Variants in TOX observed in about 807,000 individuals in gnomAD.
TOX encodes the protein thymocyte selection associated high mobility group box.
Under a neutral mutation model 53.7 loss-of-function variants are expected in TOX, and 11 were observed. The observed-to-expected ratio is 0.20, with a 90% CI of 0.13 to 0.34. The LOEUF is 0.34. Ranked by LOEUF, TOX falls within the 10% of genes least tolerant of loss-of-function variation. The pLI, the probability that TOX is intolerant of heterozygous loss-of-function variation, is 1.00. For missense variants in TOX, 570 were observed against 664.6 expected (o/e 0.86, Z 1.56); for synonymous variants, 225 against 245.3 (o/e 0.92, Z 0.77).
At chr8:58,865,724 G>A (rs552864988) in intron 3 of TOX, among the ~76,000 whole-genome samples, 3 of 151,704 alleles carry the variant, frequency 2.0e-5, no homozygotes, top group African/African-American at 7.3e-5. Flanking sequence ...GTTTGGAGTC[G>A]TTAGTAGAGA....
chr8:58,879,036 A>C (rs1009891578), intron 3 of TOX, among the ~76,000 whole-genome samples: 3 of 148,828 alleles, frequency 2.0e-5, no homozygotes, highest in Non-Finnish European at 4.4e-5. Context: ...ACTCCAGCCT[A>C]GGCGACAAAG....
At chr8:59,001,210 G>T (rs1813682901) in intron 1 of TOX, among the ~76,000 whole-genome samples, 1 of 152,174 alleles carries the variant, frequency 6.6e-6, no homozygotes. Flanking sequence ...GGTTTAGATG[G>T]ATAATCAAGT....
intron 3 of TOX, among the ~76,000 whole-genome samples, chr8:58,906,993 C>T (rs1811826974): frequency 6.6e-6 from 1 of 152,212 alleles, no homozygotes; most frequent in Non-Finnish European, 1.5e-5. Flanking sequence ...GTCTAAATCT[C>T]TTTTCATAAT....
chr8:58,938,052 G>A (rs370105312), intron 3 of TOX, among the ~76,000 whole-genome samples: 3 of 56,740 alleles, frequency 5.3e-5, no homozygotes, highest in African/African-American at 8.3e-5. Context: ...CCTGAGTGAT[G>A]GTGCTGCCAA....
chr8:59,034,345 C>T (rs951007255), intron 1 of TOX, among the ~76,000 whole-genome samples: 20 of 152,226 alleles, frequency 1.3e-4, no homozygotes, highest in East Asian at 3.8e-4. Context: ...CCAGCGCTGA[C>T]GCAAGAGCGA....
intron 1 of TOX, among the ~76,000 whole-genome samples, chr8:59,049,336 G>A (rs1404744419): frequency 1.3e-5 from 2 of 151,988 alleles, no homozygotes; most frequent in Admixed American, 6.6e-5. Context: ...TCTCCTCTTC[G>A]TTGGATCACA....
chr8:59,000,307 T>C (rs1813666854), intron 1 of TOX, among the ~76,000 whole-genome samples: 3 of 152,156 alleles, frequency 2.0e-5, no homozygotes, highest in East Asian at 3.9e-4. Flanking sequence ...GAAAGGAAAA[T>C]TGTGGCTATG....
At chr8:59,003,981 A>G (rs1396121280) in intron 1 of TOX, among the ~76,000 whole-genome samples, 1 of 152,182 alleles carries the variant, frequency 6.6e-6, no homozygotes, top group Non-Finnish European at 1.5e-5. Context: ...AATATTCACT[A>G]TGTGTTTTTT....
intron 1 of TOX, among the ~76,000 whole-genome samples, chr8:58,980,510 TAAG>T (rs1378482793): frequency 1.3e-5 from 2 of 152,242 alleles, no homozygotes; most frequent in African/African-American, 4.8e-5. Context: ...AAGTACAAAC[TAAG>T]AATAGGTATC....
intron 1 of TOX, among the ~76,000 whole-genome samples, chr8:59,030,490 A>C (rs1023880242): frequency 2.6e-5 from 4 of 152,284 alleles, no homozygotes; most frequent in African/African-American, 9.6e-5. Context: ...AGCTCTACGA[A>C]ATGGAAAAAC....
intron 3 of TOX, among the ~76,000 whole-genome samples, chr8:58,868,270 T>A (rs1221394192): frequency 6.6e-6 from 1 of 152,196 alleles, no homozygotes; most frequent in Non-Finnish European, 1.5e-5. Context: ...CTTTTCTTTA[T>A]AAATTACCCA....
At chr8:59,105,194 A>AG (rs373227658) in intron 1 of TOX, among the ~76,000 whole-genome samples, 2 of 152,168 alleles carry the variant, frequency 1.3e-5, no homozygotes, top group Admixed American at 6.5e-5. Context: ...GGACCACATT[A>AG]GAGCTATCTG....
chr8:58,839,529 T>A (rs1297225584), intron 4 of TOX, among the ~76,000 whole-genome samples: 1 of 152,248 alleles, frequency 6.6e-6, no homozygotes, highest in African/African-American at 2.4e-5. Flanking sequence ...TTGAATATTA[T>A]CTTTGTTACT....
intron 1 of TOX, among the ~76,000 whole-genome samples, chr8:59,042,244 A>G (rs917003674): frequency 6.6e-6 from 1 of 152,214 alleles, no homozygotes; most frequent in Non-Finnish European, 1.5e-5. Context: ...CCTGTCAAGA[A>G]TCAGAAGTTC....
intron 7 of TOX, among the ~76,000 whole-genome samples, chr8:58,810,155 T>A (rs1810053299): frequency 6.6e-6 from 1 of 151,910 alleles, no homozygotes; most frequent in African/African-American, 2.4e-5. Context: ...CTGGCTAATT[T>A]AAATTTATTT....
At chr8:59,010,042 T>C (rs1328942988) in intron 1 of TOX, among the ~76,000 whole-genome samples, 2 of 152,222 alleles carry the variant, frequency 1.3e-5, no homozygotes, top group African/African-American at 4.8e-5. Context: ...ATAGAGTTTC[T>C]ATCAAAATTA....
intron 3 of TOX, among the ~76,000 whole-genome samples, chr8:58,854,676 T>C (rs1267618050): frequency 1.3e-5 from 2 of 152,128 alleles, no homozygotes; most frequent in Non-Finnish European, 2.9e-5. Context: ...GGCAGACAGC[T>C]TGAATACCAA....
intron 3 of TOX, among the ~76,000 whole-genome samples, chr8:58,878,196 T>C (rs867275356): frequency 6.8e-6 from 1 of 146,214 alleles, no homozygotes. Context: ...CAAAGTTAGG[T>C]GGTATTTGGA....
At chr8:58,957,116 C>A (rs561777656) in intron 2 of TOX, among the ~76,000 whole-genome samples, 2 of 152,262 alleles carry the variant, frequency 1.3e-5, no homozygotes, top group African/African-American at 4.8e-5. Context: ...CTTTCTCCCA[C>A]AAACTCTTAA....
Sources: allele counts gnomAD v4.1 joint callset (sites outside exome capture counted in the v4.1 genomes callset), GRCh38; gene constraint gnomAD v4.1.1; transcripts MANE v1.5; gene names NCBI Gene and HGNC (gene_info 2026-07-23, HGNC 2026-07-21).